RICTOR: variants seen among roughly 807,000 people sequenced by gnomAD.
RICTOR encodes the protein rapamycin-insensitive companion of mTOR.
In RICTOR, 49 loss-of-function variants were observed where a neutral mutation model predicts 214.9. The observed-to-expected ratio is 0.23, with a 90% confidence interval of 0.18 to 0.29. The LOEUF is 0.29. Among genes scored for constraint, RICTOR ranks in the 10% least tolerant of loss-of-function variants. The probability of loss-of-function intolerance (pLI) is 1.00; values close to 1 mark genes in which losing one functional copy is unlikely to be tolerated. For synonymous variants in RICTOR, 717 were observed against 711.3 expected (o/e 1.01, Z -0.13); for missense variants, 1,625 against 2,047.0 (o/e 0.79, Z 3.98).
intron 5 of RICTOR, among the ~76,000 whole-genome samples, chr5:39,001,768 A>C (rs373013253): frequency 1.2e-4 from 19 of 152,226 alleles, no homozygotes; most frequent in African/African-American, 4.6e-4. Context: ...AGTGCCTAAC[A>C]TCATCACTCA....
intron 2 of RICTOR, among the ~76,000 whole-genome samples, chr5:39,038,050 C>T (rs541545888): frequency 6.6e-6 from 1 of 152,322 alleles, no homozygotes; most frequent in South Asian, 2.1e-4. Context: ...CCCTGATGAA[C>T]ATTGATGCAA....
rs1747956205 is a variant in RICTOR, at chr5:38,944,533, C to T, written c.4826G>A (p.Arg1609His). 2 of 1,609,636 alleles carry T rather than the reference C, an allele frequency of 1.2e-6. No homozygotes were observed. Among genetic ancestry groups the T allele is most frequent in the Non-Finnish European group, 1.7e-6 (2 of 1,177,536 alleles). The change falls in exon 36 of 38, where the codon CGT becomes CAT. Residue 1609 changes from arginine to histidine, a missense_variant. Arg to His is a conservative substitution (Grantham distance 29). This residue lies in a region of RICTOR where 44 missense variants were observed against 90.1 expected (regional missense o/e 0.49). Coordinates refer to ENST00000357387, the MANE Select transcript of RICTOR (RefSeq NM_152756.5). ...KTIPDDTPMC[R>H]ILLRKEVLRL... ...TAGAACTTCTTTGCGAAGGAGTATA[C>T]GGCACATTGGTGTATCATCTGGAAT...
At position 39,003,539 on chromosome 5, in the gene RICTOR, G is replaced by A. The variant is rs760582967; in HGVS notation, c.260+19C>T. The A allele has an allele frequency of 9.8e-6, 15 of 1,528,274 alleles. No homozygotes were observed. Among genetic ancestry groups the A allele is most frequent in the Non-Finnish European group, 1.4e-5 (15 of 1,106,156 alleles). The allele number at this position is 1,528,274 out of a possible 1,614,324, so 94.7% of individuals were successfully genotyped here. ...CTAAAATCTGAAAGGGATGGGAGGG[G>A]GGAATGAACCACACTTACCAAATTA... On this transcript the variant is annotated intron_variant, in intron 4 of 37. Coordinates refer to ENST00000357387, the MANE Select transcript of RICTOR (RefSeq NM_152756.5).
chr5:39,005,346 CT>C (rs544964194), intron 3 of RICTOR, among the ~76,000 whole-genome samples: 4,128 of 144,686 alleles, frequency 0.029, 180 homozygotes, highest in African/African-American at 0.094. Context: ...CGTAAATCCT[CT>C]TTTTTTTTTT....
chr5:39,047,195 T>C (rs1757554469), intron 2 of RICTOR, among the ~76,000 whole-genome samples: 1 of 152,128 alleles, frequency 6.6e-6, no homozygotes, highest in African/African-American at 2.4e-5. Context: ...TCCCCAACCT[T>C]TTTGGCCCAG....
At chr5:38,972,234 G>A (rs1032585214) in intron 10 of RICTOR, among the ~76,000 whole-genome samples, 8 of 152,090 alleles carry the variant, frequency 5.3e-5, no homozygotes, top group African/African-American at 1.4e-4. Flanking sequence ...ACTGCCTGAT[G>A]AACTCTTCTC....
At position 38,998,383 on chromosome 5, in the gene RICTOR, C is replaced by T. The variant is rs1003211443; in HGVS notation, c.393-1501G>A. Among the ~76,000 whole-genome samples the T allele has an allele frequency of 5.9e-5, 9 of 152,090 alleles. No individual in the cohort carries two copies. The East Asian group carries it at 1.2e-3, about 20-fold the overall frequency. On this transcript the variant is annotated intron_variant, in intron 5 of 37. Coordinates refer to ENST00000357387, the MANE Select transcript of RICTOR (RefSeq NM_152756.5). ...GTTTTCTTAATAGAGACAGAGGTTTCGCCACATTGGCCAGGCTGGTCTCAA... is the reference window on the plus strand; with the variant it reads ...GTTTTCTTAATAGAGACAGAGGTTTTGCCACATTGGCCAGGCTGGTCTCAA...
rs183278443 is a variant in RICTOR, at chr5:39,041,379, C to T, written c.98-20243G>A. Among the ~76,000 whole-genome samples the T allele has an allele frequency of 3.9e-3, 593 of 151,884 alleles. 2 individuals are homozygous for T. Among genetic ancestry groups the T allele is most frequent in the Non-Finnish European group, 5.8e-3 (395 of 67,856 alleles). Reference sequence around the variant, plus strand: ...CCAACAGCTTTCTAAGATAAGTTAACTTAACTTAGAAAGATAAAAGTTAAC... The same window carrying T: ...CCAACAGCTTTCTAAGATAAGTTAATTTAACTTAGAAAGATAAAAGTTAAC... On this transcript the variant is annotated intron_variant, in intron 2 of 37. Coordinates refer to ENST00000357387, the MANE Select transcript of RICTOR (RefSeq NM_152756.5).
chr5:39,042,797 T>C (rs1757257454), intron 2 of RICTOR, among the ~76,000 whole-genome samples: 3 of 152,188 alleles, frequency 2.0e-5, no homozygotes, highest in Non-Finnish European at 4.4e-5. Context: ...CAGTAATAAA[T>C]ACACAGAAAC....
intron 3 of RICTOR, among the ~76,000 whole-genome samples, chr5:39,012,468 T>G (rs1386592768): frequency 6.6e-6 from 1 of 152,098 alleles, no homozygotes; most frequent in Non-Finnish European, 1.5e-5. Flanking sequence ...TAATATACTA[T>G]GAAAGATACA....
At chr5:39,065,265 G>A (rs2150212388) in intron 2 of RICTOR, among the ~76,000 whole-genome samples, 1 of 152,220 alleles carries the variant, frequency 6.6e-6, no homozygotes, top group South Asian at 2.1e-4. Flanking sequence ...GGGAGCTGGG[G>A]GGAAGGAGCC....
At chr5:38,972,123 G>A (rs1750838892) in intron 10 of RICTOR, among the ~76,000 whole-genome samples, 164 bp from the exon 11 acceptor site, 2 of 152,134 alleles carry the variant, frequency 1.3e-5, no homozygotes, top group African/African-American at 4.8e-5. Flanking sequence ...TATATTTGAA[G>A]CATACTCTGT....
At chr5:39,012,666 A>G (rs932165238) in intron 3 of RICTOR, among the ~76,000 whole-genome samples, 1 of 152,178 alleles carries the variant, frequency 6.6e-6, no homozygotes, top group African/African-American at 2.4e-5. Flanking sequence ...TGACTACCCT[A>G]TTATATAGGC....
At chr5:38,975,272 A>G (rs1399976195) in intron 10 of RICTOR, among the ~76,000 whole-genome samples, 1 of 152,164 alleles carries the variant, frequency 6.6e-6, no homozygotes, top group Non-Finnish European at 1.5e-5. Flanking sequence ...AATTTTTTTA[A>G]TTGCCCAGGT....
intron 2 of RICTOR, among the ~76,000 whole-genome samples, chr5:39,067,284 G>A (rs1424347134): frequency 6.6e-6 from 1 of 152,134 alleles, no homozygotes; most frequent in African/African-American, 2.4e-5. Flanking sequence ...AAGTAGGAGT[G>A]AGAAAGAGTA....
intron 7 of RICTOR, among the ~76,000 whole-genome samples, chr5:38,987,069 G>A (rs982837257): frequency 6.6e-6 from 1 of 152,204 alleles, no homozygotes; most frequent in African/African-American, 2.4e-5. Flanking sequence ...TCCCAGGGAT[G>A]TGGCCAACTT....
chr5:38,957,777 C>T (rs763456717), intron 24 of RICTOR, 47 bp from the exon 25 acceptor site: 9 of 1,030,316 alleles, frequency 8.7e-6, no homozygotes, highest in East Asian at 5.0e-5. Flanking sequence ...CTGGCAAAAA[C>T]GTATCTTAAG....
Position 38,964,903 on chromosome 5 carries a change from G to A in RICTOR, c.1300-11C>T. 2 of 1,532,436 alleles carry A rather than the reference G, an allele frequency of 1.3e-6. No homozygotes were observed. The highest frequency in any genetic ancestry group is 1.7e-5 in the Admixed American group (1 of 58,488). The allele number at this position is 1,532,436 out of a possible 1,614,324, so 94.9% of individuals were successfully genotyped here. On this transcript the variant is annotated splice_polypyrimidine_tract_variant and intron_variant, in intron 15 of 37. Transcript: ENST00000357387. ...AAGAATTGTGTTTGCCTAAAATGAA[G>A]CATAACATTTTACATGAGTTTTCAG...
chr5:38,973,236 G>T (rs557367430), intron 10 of RICTOR, among the ~76,000 whole-genome samples: 5 of 152,142 alleles, frequency 3.3e-5, no homozygotes, highest in Admixed American at 6.5e-5. Flanking sequence ...GACTAATGAT[G>T]TGTGCATTTC....
Sources: gnomAD v4.1 joint callset for allele counts (sites outside exome capture counted in the v4.1 genomes callset) on GRCh38, gnomAD v4.1.1 for gene constraint, gnomAD v4.1.1 regional missense constraint, MANE v1.5 for transcripts, NCBI Gene and HGNC (gene_info 2026-07-23, HGNC 2026-07-21) for gene names.